MGST2: variants seen among roughly 807,000 people sequenced by gnomAD.
MGST2 encodes glutathione peroxidase MGST2.
MGST2 carries 9 observed loss-of-function variants against 16.6 expected under a neutral mutation model. The ratio of observed to expected loss-of-function variants is 0.54; its 90% confidence interval spans 0.33 to 0.95. The LOEUF is 0.95. Among genes scored for constraint, MGST2 ranks in the 40% least tolerant of loss-of-function variants. The pLI is 0.03. For synonymous variants in MGST2, 79 were observed against 68.0 expected (o/e 1.16, Z -0.79); for missense variants, 159 against 175.1 (o/e 0.91, Z 0.52).
At chr4:139,688,737 T>C (rs1180203193) in intron 2 of MGST2, among the ~76,000 whole-genome samples, 3 of 152,202 alleles carry the variant, frequency 2.0e-5, no homozygotes, top group African/African-American at 7.2e-5. Flanking sequence ...AGTAAACATA[T>C]TCCTGTTTTC....
chr4:139,677,504 A>ATT lies in MGST2; in HGVS notation c.59-1026_59-1025dup, dbSNP rs56082407. Reference sequence around the variant, plus strand: ...ATTTAGTCTGGCTCAGTGAATCTGCATTTTTTTTTTTTTTGAGACAGAGTT... The same window carrying ATT: ...ATTTAGTCTGGCTCAGTGAATCTGCATTTTTTTTTTTTTTTTGAGACAGAGTT... On this transcript the variant is annotated intron_variant, in intron 1 of 4. Coordinates refer to ENST00000265498, the MANE Select transcript of MGST2 (RefSeq NM_002413.5). 1.4e-3 allele frequency among the ~76,000 whole-genome samples: 197 copies of ATT among 145,084 alleles called. 2 individuals are homozygous for ATT. The highest frequency in any genetic ancestry group is 5.4e-3 in the East Asian group (27 of 4,992).
At chr4:139,737,698 C>A (rs1729000316) in intron 5 of MGST2, among the ~76,000 whole-genome samples, 2 of 152,094 alleles carry the variant, frequency 1.3e-5, no homozygotes, top group South Asian at 2.1e-4. Context: ...CCTTACAATT[C>A]CCTTTGAAGT....
At chr4:139,720,063 T>A (rs1487499740) in intron 5 of MGST2, 1 of 1,614,088 alleles carries the variant, frequency 6.2e-7, no homozygotes, top group Admixed American at 1.7e-5. Context: ...TGGTTATGTG[T>A]GATGCTCATG....
Position 139,702,844 on chromosome 4 carries a change from GTTTTTTT to G in MGST2, c.230-591_230-585del, listed in dbSNP as rs70943436. Among the ~76,000 whole-genome samples, 81 of 46,456 alleles carry G rather than the reference GTTTTTTT, an allele frequency of 1.7e-3. 3 individuals are homozygous for G. Among genetic ancestry groups the G allele is most frequent in the South Asian group, 7.2e-3 (5 of 692 alleles). The allele number at this position is 46,456 out of a possible 152,430, so 30.5% of individuals were successfully genotyped here. ...TCCTCACCAACATTTTGTGTTACTG[GTTTTTTT>G]TTTTTTTTTTTTTTTTTTTACAATT... On this transcript the variant is annotated intron_variant, in intron 3 of 4. Coordinates refer to ENST00000265498, the MANE Select transcript of MGST2 (RefSeq NM_002413.5).
At chr4:139,684,230 A>T (rs1167405865) in intron 2 of MGST2, among the ~76,000 whole-genome samples, 1 of 152,050 alleles carries the variant, frequency 6.6e-6, no homozygotes, top group Non-Finnish European at 1.5e-5. Context: ...CCGGCCTAAA[A>T]CCATCAGATC....
intron 3 of MGST2, 97 bp downstream of exon 3, chr4:139,695,364 A>C: frequency 1.9e-6 from 2 of 1,046,930 alleles, no homozygotes; most frequent in Non-Finnish European, 1.5e-6. Flanking sequence ...GCTCACACCT[A>C]TATTCCCAGC....
intron 5 of MGST2, chr4:139,725,763 T>C: frequency 6.2e-7 from 1 of 1,613,966 alleles, no homozygotes; most frequent in Non-Finnish European, 8.5e-7. Flanking sequence ...TGAAACTGAT[T>C]GACCTGCTGC....
At chr4:139,752,110 A>G in the MGST2 span, among the ~76,000 whole-genome samples, 1 of 152,154 alleles carries the variant, frequency 6.6e-6, no homozygotes, top group African/African-American at 2.4e-5. Flanking sequence ...TACTTCAGCA[A>G]TTTCTACAAA....
At chr4:139,720,452 C>G (rs1388542499) in intron 5 of MGST2, 1 of 812,854 alleles carries the variant, frequency 1.2e-6, no homozygotes, top group Non-Finnish European at 1.8e-6. Flanking sequence ...GATAATAAAT[C>G]TGTAACAAAA....
At chr4:139,747,944 C>G in the MGST2 span, among the ~76,000 whole-genome samples, 4 of 149,332 alleles carry the variant, frequency 2.7e-5, no homozygotes, top group Non-Finnish European at 1.5e-5. Flanking sequence ...ATCCCAGCTA[C>G]TTGGGAGGCT....
downstream of MGST2, among the ~76,000 whole-genome samples, chr4:139,707,102 C>T (rs1398226382): frequency 6.6e-6 from 1 of 151,670 alleles, no homozygotes; most frequent in Non-Finnish European, 1.5e-5. Flanking sequence ...GCACAATGTG[C>T]AGGTTTGTTA....
chr4:139,690,306 A>C (rs1726504937), intron 2 of MGST2, among the ~76,000 whole-genome samples: 1 of 151,868 alleles, frequency 6.6e-6, no homozygotes. Flanking sequence ...ATTTTTTTAA[A>C]AAAATTTTAT....
chr4:139,698,827 T>C (rs1727086571), intron 3 of MGST2, among the ~76,000 whole-genome samples: 1 of 152,030 alleles, frequency 6.6e-6, no homozygotes, highest in Non-Finnish European at 1.5e-5. Flanking sequence ...TCATCTTCTT[T>C]TTTTTTTTTC....
intron 5 of MGST2, among the ~76,000 whole-genome samples, chr4:139,721,066 A>G (rs1728213193): frequency 6.6e-6 from 1 of 152,222 alleles, no homozygotes; most frequent in Admixed American, 6.5e-5. Context: ...AGAAAAAGAA[A>G]TCATCCTGCT....
At chr4:139,724,905 T>A (rs995082183) in intron 5 of MGST2, among the ~76,000 whole-genome samples, 1 of 151,980 alleles carries the variant, frequency 6.6e-6, no homozygotes, top group Non-Finnish European at 1.5e-5. Context: ...ATTACAGGTA[T>A]GCATCACCAC....
At chr4:139,719,671 T>C in intron 5 of MGST2, 1 of 1,613,364 alleles carries the variant, frequency 6.2e-7, no homozygotes, top group Non-Finnish European at 8.5e-7. Flanking sequence ...CCATGGCAGC[T>C]GGGTTGAGGG....
chr4:139,723,420 C>T (rs1728337190), intron 5 of MGST2, among the ~76,000 whole-genome samples: 1 of 152,180 alleles, frequency 6.6e-6, no homozygotes, highest in Non-Finnish European at 1.5e-5. Flanking sequence ...AAGCAATTCT[C>T]CTGCCCCAGC....
chr4:139,689,791 T>C (rs754154632), intron 2 of MGST2, among the ~76,000 whole-genome samples: 5 of 152,260 alleles, frequency 3.3e-5, no homozygotes, highest in Non-Finnish European at 7.3e-5. Context: ...TCATATTTTC[T>C]GAACAAAGTT....
chr4:139,700,127 C>CTTTT lies in MGST2; in HGVS notation c.230-3309_230-3306dup, dbSNP rs56662682. The stretch of plus-strand genomic sequence containing the variant: ...TTTTGTTTTTTGGTCTTTGGTTTTG[C>CTTTT]TTTTTTTTTTTTTTTTTTTTTTGAG... On this transcript the variant is annotated intron_variant, in intron 3 of 4. Coordinates refer to ENST00000265498, the MANE Select transcript of MGST2 (RefSeq NM_002413.5). 1.3e-3 allele frequency among the ~76,000 whole-genome samples: 106 copies of CTTTT among 82,976 alleles called. 1 individual carries two copies. Among genetic ancestry groups the CTTTT allele is most frequent in the Non-Finnish European group, 1.6e-3 (76 of 46,580 alleles). The allele number at this position is 82,976 out of a possible 152,430, so 54.4% of individuals were successfully genotyped here.
Sources: allele counts gnomAD v4.1 joint callset (sites outside exome capture counted in the v4.1 genomes callset), GRCh38; gene constraint gnomAD v4.1.1; transcripts MANE v1.5; gene names NCBI Gene and HGNC (gene_info 2026-07-23, HGNC 2026-07-21).